Variants in RASSF3 observed in about 807,000 individuals in gnomAD.
RASSF3 encodes ras association domain-containing protein 3.
In RASSF3, 19 loss-of-function variants were observed where a neutral mutation model predicts 19.9. The observed-to-expected ratio is 0.96, with a 90% CI of 0.67 to 1.40. The LOEUF is 1.40. RASSF3 is among the 40% of genes most tolerant of loss of function. The pLI is 0.00. For missense variants in RASSF3, 306 were observed against 289.8 expected, an observed-to-expected ratio of 1.06 and a Z score of -0.41; for synonymous variants, 110 against 104.2, an observed-to-expected ratio of 1.06 and a Z score of -0.34.
chr12:64,515,524 T>C (rs150925211), intron 1 of RASSF3: 1 of 152,284 alleles, frequency 6.6e-6, no homozygotes, highest in East Asian at 1.9e-4. Context: ...TTGAGTTGGA[T>C]CATTTACTTC....
At chr12:64,634,513 G>A (rs1269984624) in intron 1 of RASSF3, among the ~76,000 whole-genome samples, 1 of 151,868 alleles carries the variant, frequency 6.6e-6, no homozygotes, top group South Asian at 2.1e-4. Flanking sequence ...GGGGGGCATT[G>A]TCCCCACAAA....
At chr12:64,561,794 A>G (rs1315447523) in intron 2 of RASSF3, among the ~76,000 whole-genome samples, 14 of 141,286 alleles carry the variant, frequency 9.9e-5, no homozygotes, top group Non-Finnish European at 1.1e-4. Context: ...CTGGGTTCAA[A>G]TGATTCTTGT....
chr12:64,691,701 G>C (rs1195223956), intron 4 of RASSF3, 122 bp downstream of exon 4: 1 of 744,362 alleles, frequency 1.3e-6, no homozygotes, highest in South Asian at 1.6e-5. Context: ...AGGGCAGGGG[G>C]ATGGGAAGAG....
intron 1 of RASSF3, chr12:64,611,583 C>A (rs1169947344): frequency 6.6e-6 from 1 of 152,244 alleles, no homozygotes; most frequent in East Asian, 1.9e-4. Flanking sequence ...CCGCGGCCTC[C>A]TGGCACTAGG....
At chr12:64,599,286 G>A (rs143468818) in intron 2 of RASSF3, 1 of 152,200 alleles carries the variant, frequency 6.6e-6, no homozygotes, top group East Asian at 1.9e-4. Context: ...AAAAGTTCAG[G>A]ATCTCCCTAC....
At chr12:64,594,851 G>A (rs11612377) in intron 2 of RASSF3, among the ~76,000 whole-genome samples, 23,051 of 151,762 alleles carry the variant, frequency 0.15, 2,348 homozygotes, top group Middle Eastern at 0.27. Context: ...GGGCTCAAAC[G>A]ATCATCCCAC....
At chr12:64,675,375 C>T (rs1872859641) in intron 1 of RASSF3, among the ~76,000 whole-genome samples, 1 of 151,972 alleles carries the variant, frequency 6.6e-6, no homozygotes, top group East Asian at 1.9e-4. Flanking sequence ...GTCTCGAACT[C>T]CTGGGCTCAA....
chr12:64,581,876 T>C (rs1869707609), intron 2 of RASSF3, among the ~76,000 whole-genome samples: 1 of 152,056 alleles, frequency 6.6e-6, no homozygotes, highest in African/African-American at 2.4e-5. Context: ...TGTTTTTCTT[T>C]TTGTTTTTTG....
chr12:64,507,952 G>C (rs1473378579), intron 1 of RASSF3, among the ~76,000 whole-genome samples: 1 of 152,126 alleles, frequency 6.6e-6, no homozygotes, highest in Non-Finnish European at 1.5e-5. Flanking sequence ...TCCAAGTCTG[G>C]TATCTGAAGT....
At chr12:64,534,270 T>C (rs1868775366) in intron 1 of RASSF3, among the ~76,000 whole-genome samples, 1 of 151,468 alleles carries the variant, frequency 6.6e-6, no homozygotes, top group African/African-American at 2.4e-5. Context: ...TCTAAAAATA[T>C]AAAAGAAAAG....
intron 2 of RASSF3, among the ~76,000 whole-genome samples, chr12:64,562,280 A>G (rs904647400): frequency 6.6e-6 from 1 of 152,080 alleles, no homozygotes; most frequent in Non-Finnish European, 1.5e-5. Flanking sequence ...ACCTCAAGTT[A>G]TCCGCCCGCC....
chr12:64,597,138 T>A (rs1870010517), intron 2 of RASSF3, among the ~76,000 whole-genome samples: 1 of 151,860 alleles, frequency 6.6e-6, no homozygotes, highest in Non-Finnish European at 1.5e-5. Context: ...TTTTATTTTT[T>A]AATTTTTTTC....
rs1270380808 is a variant in RASSF3 at position 64,614,356 on chromosome 12, G to T, written c.111+3613G>T. ...TTGGCCAGGCTGGTCTTGAATTCCT[G>T]ACCTCAGGTGATCTGCCCGCCTCGG... On this transcript the variant is annotated intron_variant, in intron 1 of 4. Coordinates refer to ENST00000542104, the MANE Select transcript of RASSF3 (RefSeq NM_178169.4). 2.6e-5 allele frequency among the ~76,000 whole-genome samples: 4 copies of T among 152,082 alleles called. No homozygotes were observed. The East Asian group carries it at 7.7e-4, about 29-fold the overall frequency.
At chr12:64,541,563 A>G in intron 1 of RASSF3, 1 of 398,524 alleles carries the variant, frequency 2.5e-6, no homozygotes. Context: ...TGGGAACCTA[A>G]CGTGCTTTCT....
chr12:64,507,732 C>T (rs1868300884), intron 1 of RASSF3, among the ~76,000 whole-genome samples: 1 of 152,198 alleles, frequency 6.6e-6, no homozygotes. Context: ...GAGTTCCCCT[C>T]CTTTCCATAG....
At chr12:64,520,553 C>CATATATATAT (rs1287781762) in intron 1 of RASSF3, among the ~76,000 whole-genome samples, 1 of 30,466 alleles carries the variant, frequency 3.3e-5, no homozygotes, top group African/African-American at 1.0e-4. Context: ...CACACATACA[C>CATATATATAT]ACATATATAT....
In RASSF3 at chr12:64,647,571, C is replaced by T. The variant is rs567096327; in HGVS notation, c.111+36828C>T. 2.7e-3 allele frequency among the ~76,000 whole-genome samples: 405 copies of T among 152,110 alleles called. 2 individuals are homozygous for T. Among genetic ancestry groups the T allele is most frequent in the African/African-American group, 9.4e-3 (391 of 41,500 alleles). On this transcript the variant is annotated intron_variant, in intron 1 of 4. Coordinates refer to ENST00000542104, the MANE Select transcript of RASSF3 (RefSeq NM_178169.4). ...GATTACAGGCATCCACCACCACGCC[C>T]GGCTAATTTTTTGTATTTTTTAGTA...
chr12:64,627,952 G>A (rs1021699357), intron 1 of RASSF3, among the ~76,000 whole-genome samples: 3 of 152,198 alleles, frequency 2.0e-5, no homozygotes, highest in African/African-American at 7.2e-5. Flanking sequence ...AATAGGATTT[G>A]AGAGGGCTTC....
chr12:64,627,336 G>A (rs1204320217), intron 1 of RASSF3, among the ~76,000 whole-genome samples: 1 of 152,190 alleles, frequency 6.6e-6, no homozygotes, highest in African/African-American at 2.4e-5. Context: ...TGATAGCTAA[G>A]CATCAACTTT....
Sources: gnomAD v4.1 joint callset for allele counts (sites outside exome capture counted in the v4.1 genomes callset) on GRCh38, gnomAD v4.1.1 for gene constraint, MANE v1.5 for transcripts, NCBI Gene and HGNC (gene_info 2026-07-23, HGNC 2026-07-21) for gene names.